The following DNER variants were observed in gnomAD, a reference collection of about 807,000 sequenced individuals.
The protein encoded by DNER is delta and Notch-like epidermal growth factor-related receptor.
In DNER, 33 loss-of-function variants were observed where a neutral mutation model predicts 78.2. The ratio of observed to expected loss-of-function variants is 0.42; its 90% CI spans 0.32 to 0.56. DNER has a LOEUF of 0.56. Among genes scored for constraint, DNER ranks in the 20% least tolerant of loss-of-function variants. The probability of loss-of-function intolerance (pLI) is 0.11; values close to 1 mark genes in which losing one functional copy is unlikely to be tolerated. For missense variants in DNER, 918 were observed against 975.3 expected, an observed-to-expected ratio of 0.94 and a Z score of 0.78; for synonymous variants, 417 against 384.8, an observed-to-expected ratio of 1.08 and a Z score of -0.98.
intron 4 of DNER, among the ~76,000 whole-genome samples, chr2:229,575,194 A>G (rs891359355): frequency 7.9e-5 from 12 of 152,120 alleles, no homozygotes; most frequent in East Asian, 1.9e-4. Flanking sequence ...GAGAGAGAAA[A>G]TGAGGCAGAA....
At chr2:229,511,875 T>A (rs1331858755) in intron 6 of DNER, among the ~76,000 whole-genome samples, 1 of 152,222 alleles carries the variant, frequency 6.6e-6, no homozygotes, top group African/African-American at 2.4e-5. Flanking sequence ...TGAACTTTCT[T>A]CTTCCATTCC....
At chr2:229,561,146 C>T (rs1045882937) in intron 4 of DNER, among the ~76,000 whole-genome samples, 1 of 152,146 alleles carries the variant, frequency 6.6e-6, no homozygotes, top group Non-Finnish European at 1.5e-5. Flanking sequence ...CTCATTTTCT[C>T]TGGGTTCCTA....
At chr2:229,399,589 A>G (rs1419583551) in intron 10 of DNER, among the ~76,000 whole-genome samples, 4 of 152,008 alleles carry the variant, frequency 2.6e-5, no homozygotes, top group Non-Finnish European at 4.4e-5. Flanking sequence ...ACAGTTTTGG[A>G]AAAAAAATAA....
intron 9 of DNER, 102 bp from the exon 10 acceptor site, chr2:229,407,447 T>G (rs1574829594): frequency 1.0e-6 from 1 of 980,272 alleles, no homozygotes; most frequent in Non-Finnish European, 1.5e-6. Flanking sequence ...GCGAGGGAGA[T>G]TCCCAGCGTG....
chr2:229,482,050 T>G (rs926889729), intron 6 of DNER, among the ~76,000 whole-genome samples: 1 of 152,246 alleles, frequency 6.6e-6, no homozygotes, highest in African/African-American at 2.4e-5. Flanking sequence ...AAGACAATGA[T>G]AAACTCCCTT....
intron 5 of DNER, among the ~76,000 whole-genome samples, chr2:229,533,958 T>C (rs1447269674): frequency 1.3e-5 from 2 of 152,346 alleles, no homozygotes; most frequent in Non-Finnish European, 2.9e-5. Flanking sequence ...TATTGTAAAA[T>C]GAAATGCATC....
chr2:229,666,812 A>C (rs1044249421), intron 1 of DNER, among the ~76,000 whole-genome samples: 6 of 152,180 alleles, frequency 3.9e-5, no homozygotes, highest in Non-Finnish European at 7.3e-5. Flanking sequence ...GCTGTATAGC[A>C]TTATGGTTCT....
intron 8 of DNER, among the ~76,000 whole-genome samples, chr2:229,428,967 TAGAG>T (rs1279094946): frequency 2.0e-5 from 3 of 151,628 alleles, no homozygotes; most frequent in Non-Finnish European, 2.9e-5. Context: ...AAAGATAAAA[TAGAG>T]AGAAAGAAAA....
chr2:229,618,240 T>C (rs1477270910), intron 1 of DNER, among the ~76,000 whole-genome samples: 1 of 152,024 alleles, frequency 6.6e-6, no homozygotes, highest in Admixed American at 6.6e-5. Context: ...TAGGTGGAAA[T>C]ACATAGTGTT....
chr2:229,549,328 C>T (rs954009775), intron 4 of DNER, among the ~76,000 whole-genome samples: 11 of 152,198 alleles, frequency 7.2e-5, no homozygotes, highest in Middle Eastern at 3.4e-3. Context: ...TATTTTTAGA[C>T]GGAGTCTCAC....
At chr2:229,386,347 A>C (rs372550729) in intron 11 of DNER, among the ~76,000 whole-genome samples, 30 of 152,372 alleles carry the variant, frequency 2.0e-4, no homozygotes, top group African/African-American at 6.3e-4. Context: ...CTTACACGTA[A>C]GACCTAAAAC....
chr2:229,636,416 G>A (rs1045759196), intron 1 of DNER, among the ~76,000 whole-genome samples: 4 of 152,168 alleles, frequency 2.6e-5, no homozygotes, highest in African/African-American at 9.7e-5. Context: ...AGGCACCCTC[G>A]AGAAGACAGG....
intron 11 of DNER, among the ~76,000 whole-genome samples, chr2:229,384,088 A>G (rs1574817451): frequency 6.6e-6 from 1 of 152,356 alleles, no homozygotes; most frequent in East Asian, 1.9e-4. Context: ...ATCAAATTAG[A>G]ACTCAGGATT....
At chr2:229,572,564 C>T (rs985309537) in intron 4 of DNER, among the ~76,000 whole-genome samples, 1 of 152,092 alleles carries the variant, frequency 6.6e-6, no homozygotes, top group Non-Finnish European at 1.5e-5. Context: ...AGAGAGGCTA[C>T]AGTGACATAT....
chr2:229,437,337 C>G (rs1274070773), intron 8 of DNER, among the ~76,000 whole-genome samples: 1 of 152,216 alleles, frequency 6.6e-6, no homozygotes, highest in African/African-American at 2.4e-5. Flanking sequence ...AAAACTGAAG[C>G]TGTTCTGTAA....
At chr2:229,527,624 G>A (rs1248071837) in intron 5 of DNER, among the ~76,000 whole-genome samples, 2 of 152,180 alleles carry the variant, frequency 1.3e-5, no homozygotes, top group African/African-American at 4.8e-5. Context: ...TTACCTCAGT[G>A]CCTTCTGTCC....
chr2:229,579,667 A>G (rs756763083), intron 4 of DNER, among the ~76,000 whole-genome samples: 22 of 152,162 alleles, frequency 1.4e-4, no homozygotes, highest in Admixed American at 1.4e-3. Context: ...AGATCCATGA[A>G]GTGGATCTTT....
At chr2:229,532,550 A>G (rs1285105470) in intron 5 of DNER, among the ~76,000 whole-genome samples, 2 of 152,246 alleles carry the variant, frequency 1.3e-5, no homozygotes, top group South Asian at 2.1e-4. Context: ...CCCCACCATC[A>G]TCACTGTCTT....
chr2:229,569,082 T>C (rs1418316846), intron 4 of DNER, among the ~76,000 whole-genome samples: 1 of 152,210 alleles, frequency 6.6e-6, no homozygotes, highest in Non-Finnish European at 1.5e-5. Context: ...TGCATCTCTG[T>C]ATGTGTGTGC....
Sources: gnomAD v4.1 joint callset for allele counts (sites outside exome capture counted in the v4.1 genomes callset) on GRCh38, gnomAD v4.1.1 for gene constraint, MANE v1.5 for transcripts, NCBI Gene and HGNC (gene_info 2026-07-23, HGNC 2026-07-21) for gene names.